The following RBMS3 variants were observed in gnomAD, a reference collection of about 807,000 sequenced individuals.
The protein encoded by RBMS3 is RNA-binding motif, single-stranded-interacting protein 3.
A neutral mutation model predicts 66.8 loss-of-function variants in RBMS3; 27 were observed. That is an observed-to-expected ratio of 0.40 (90% CI 0.30 to 0.56). The LOEUF (loss-of-function observed/expected upper bound fraction) is 0.56. Among genes scored for constraint, RBMS3 ranks in the 20% least tolerant of loss-of-function variants. The pLI, the probability that RBMS3 is intolerant of heterozygous loss-of-function variation, is 0.40. For synonymous variants in RBMS3, 188 were observed against 183.0 expected (o/e 1.03, Z -0.22); for missense variants, 513 against 549.5 (o/e 0.93, Z 0.66).
At chr3:29,830,468 G>A (rs535425723) in intron 6 of RBMS3, among the ~76,000 whole-genome samples, 7 of 152,002 alleles carry the variant, frequency 4.6e-5, no homozygotes, top group Non-Finnish European at 1.0e-4. Flanking sequence ...TTACCAGCAC[G>A]GTAAAACAAA....
intron 6 of RBMS3, among the ~76,000 whole-genome samples, chr3:29,801,183 C>G (rs9841855): frequency 0.56 from 84,686 of 151,354 alleles, 24,147 homozygotes; most frequent in Non-Finnish European, 0.61. Flanking sequence ...GTTGACACAG[C>G]AATGGGGGTC....
chr3:29,477,532 A>T (rs1157497371), intron 2 of RBMS3, among the ~76,000 whole-genome samples: 1 of 152,210 alleles, frequency 6.6e-6, no homozygotes, highest in African/African-American at 2.4e-5. Flanking sequence ...GGATAAGAAA[A>T]GATACAATAT....
Position 29,930,500 on chromosome 3 carries a change from A to G in RBMS3, c.940-5586A>G, listed in dbSNP as rs190034454. On this transcript the variant is annotated intron_variant, in intron 10 of 14. Transcript: ENST00000383767. ...TTATGGATATATGTATATATGGACC[A>G]GGGTTTCTGAACCCTAGCACTAATC... Among the ~76,000 whole-genome samples, 587 of 152,142 alleles carry G rather than the reference A, an allele frequency of 3.9e-3. 3 individuals carry two copies. The highest frequency in any genetic ancestry group is 0.013 in the African/African-American group (553 of 41,520).
At chr3:29,536,292 A>G (rs2045554598) in intron 3 of RBMS3, among the ~76,000 whole-genome samples, 1 of 152,154 alleles carries the variant, frequency 6.6e-6, no homozygotes, top group Non-Finnish European at 1.5e-5. Context: ...AAATTTTTGT[A>G]TGTGCATGTG....
chr3:29,304,010 C>A (rs902539162), intron 1 of RBMS3, among the ~76,000 whole-genome samples: 1 of 151,876 alleles, frequency 6.6e-6, no homozygotes, highest in Non-Finnish European at 1.5e-5. Context: ...GGGGAAACTG[C>A]CCCCATGATT....
chr3:29,319,322 T>G (rs1291622155), intron 1 of RBMS3, among the ~76,000 whole-genome samples: 13 of 151,976 alleles, frequency 8.6e-5, no homozygotes, highest in Non-Finnish European at 1.5e-5. Context: ...CAGGACTCAT[T>G]TCTCTAAATG....
At chr3:29,867,757 C>T (rs2149548147) in intron 6 of RBMS3, among the ~76,000 whole-genome samples, 1 of 151,470 alleles carries the variant, frequency 6.6e-6, no homozygotes, top group Admixed American at 6.6e-5. Context: ...TAGCAAGAGG[C>T]AAGGACACAG....
intron 4 of RBMS3, among the ~76,000 whole-genome samples, chr3:29,703,891 A>C (rs1447512094): frequency 6.6e-6 from 1 of 152,118 alleles, no homozygotes; most frequent in Non-Finnish European, 1.5e-5. Flanking sequence ...GCTGCTCCCA[A>C]TCACCCACAT....
chr3:29,722,748 G>C (rs12374180), intron 4 of RBMS3, among the ~76,000 whole-genome samples: 1 of 151,898 alleles, frequency 6.6e-6, no homozygotes, highest in South Asian at 2.1e-4. Context: ...GATTAGGTTC[G>C]GGTTATGCCT....
intron 1 of RBMS3, among the ~76,000 whole-genome samples, chr3:29,293,998 A>T (rs2033039598): frequency 6.6e-6 from 1 of 151,614 alleles, no homozygotes. Flanking sequence ...GGCTTTTCAA[A>T]CATAACTGTA....
Position 29,705,425 on chromosome 3 carries a change from T to C in RBMS3, c.400-34295T>C, listed in dbSNP as rs1576574971. On this transcript the variant is annotated intron_variant, in intron 4 of 14. Transcript: ENST00000383767. ...ATGTTATAGAAACTGATCCTTTTCT[T>C]TGAAGCCAGGGGCTGAGAAGTCCCT... is the stretch of plus-strand genomic sequence containing the variant. 2.6e-5 allele frequency among the ~76,000 whole-genome samples: 4 copies of C among 152,314 alleles called. No homozygotes were observed. The Middle Eastern group carries it at 0.014, about 518-fold the overall frequency.
intron 2 of RBMS3, among the ~76,000 whole-genome samples, chr3:29,464,714 GA>G (rs920128872): frequency 6.6e-5 from 10 of 152,042 alleles, no homozygotes; most frequent in Non-Finnish European, 1.5e-4. Context: ...CATCATTCAG[GA>G]AAAAAATACA....
intron 1 of RBMS3, among the ~76,000 whole-genome samples, chr3:29,351,036 T>A (rs2036881181): frequency 6.6e-6 from 1 of 152,138 alleles, no homozygotes; most frequent in African/African-American, 2.4e-5. Flanking sequence ...ATAAAGTTAT[T>A]ATAGATATGC....
chr3:29,630,790 T>C (rs1260164670), intron 4 of RBMS3, among the ~76,000 whole-genome samples: 1 of 152,042 alleles, frequency 6.6e-6, no homozygotes, highest in Non-Finnish European at 1.5e-5. Context: ...TGGAATACTA[T>C]GATGCTTTTT....
At chr3:29,929,569 G>A (rs2061052148) in intron 10 of RBMS3, among the ~76,000 whole-genome samples, 1 of 146,088 alleles carries the variant, frequency 6.8e-6, no homozygotes, top group African/African-American at 2.5e-5. Context: ...TTTGGCTTTA[G>A]TGTCTATTAA....
chr3:29,928,203 TATATATATACACACACAC>T (rs1392521511), intron 10 of RBMS3, among the ~76,000 whole-genome samples: 1 of 110,234 alleles, frequency 9.1e-6, no homozygotes, highest in Non-Finnish European at 1.9e-5. Flanking sequence ...TATATATATA[TATATATATACACACACAC>T]ACACACACAC....
chr3:29,504,691 C>A (rs1358018174), intron 3 of RBMS3, among the ~76,000 whole-genome samples: 1 of 151,968 alleles, frequency 6.6e-6, no homozygotes, highest in Non-Finnish European at 1.5e-5. Context: ...AATGGCTATA[C>A]TAATTTACAT....
chr3:29,463,266 C>A (rs2042428271), intron 2 of RBMS3, among the ~76,000 whole-genome samples: 1 of 152,014 alleles, frequency 6.6e-6, no homozygotes, highest in Non-Finnish European at 1.5e-5. Context: ...GTACTTGTAC[C>A]TATATCAATG....
intron 7 of RBMS3, among the ~76,000 whole-genome samples, chr3:29,875,987 T>G (rs2059603158): frequency 6.6e-6 from 1 of 152,232 alleles, no homozygotes; most frequent in East Asian, 1.9e-4. Flanking sequence ...CCTTTGATGT[T>G]CTTTTCTCAA....
Sources: gnomAD v4.1 joint callset for allele counts (sites outside exome capture counted in the v4.1 genomes callset) on GRCh38, gnomAD v4.1.1 for gene constraint, MANE v1.5 for transcripts, NCBI Gene and HGNC (gene_info 2026-07-23, HGNC 2026-07-21) for gene names.